Variants in CD46 observed in about 807,000 individuals in gnomAD.
The protein encoded by CD46 is membrane cofactor protein.
A neutral mutation model predicts 53.3 loss-of-function variants in CD46; 30 were observed. The observed-to-expected ratio is 0.56, with a 90% CI of 0.42 to 0.76. CD46 has a LOEUF of 0.76. Ranked by LOEUF, CD46 falls within the 30% of genes least tolerant of loss-of-function variation. CD46 has a pLI of 0.00. For synonymous variants in CD46, 142 were observed against 152.0 expected, an observed-to-expected ratio of 0.93 and a Z score of 0.48; for missense variants, 409 against 463.0, an observed-to-expected ratio of 0.88 and a Z score of 1.07.
chr1:207,769,825 C>CGG (rs1657274990), intron 7 of CD46: 5 of 157,334 alleles, frequency 3.2e-5, no homozygotes, highest in African/African-American at 1.2e-4. Context: ...TGCAGTGGCG[C>CGG]GGTCTTGGCT....
chr1:207,762,657 G>GGACAGC (rs1558051517), intron 5 of CD46: 21 of 152,510 alleles, frequency 1.4e-4, no homozygotes, highest in Non-Finnish European at 2.8e-4. Flanking sequence ...CCTTTTAGAA[G>GGACAGC]TTCCAGCTTT....
chr1:207,786,831 TC>T (rs1443830505), intron 11 of CD46, among the ~76,000 whole-genome samples: 2 of 152,204 alleles, frequency 1.3e-5, no homozygotes, highest in Non-Finnish European at 2.9e-5. Context: ...ATTTGATTTA[TC>T]TATCAGTTGT....
At chr1:207,777,413 G>T (rs1018969650) in intron 8 of CD46, among the ~76,000 whole-genome samples, 4 of 152,074 alleles carry the variant, frequency 2.6e-5, no homozygotes. Context: ...GGGATTTGTT[G>T]TACATAACTA....
intron 2 of CD46, among the ~76,000 whole-genome samples, 158 bp downstream of exon 2, chr1:207,757,360 A>G (rs1462011389): frequency 6.6e-6 from 1 of 152,354 alleles, no homozygotes; most frequent in Non-Finnish European, 1.5e-5. Context: ...AAAATCTCCA[A>G]GAAATCATTT....
At chr1:207,774,414 A>T (rs1657870452) in intron 8 of CD46, among the ~76,000 whole-genome samples, 1 of 152,084 alleles carries the variant, frequency 6.6e-6, no homozygotes, top group Non-Finnish European at 1.5e-5. Flanking sequence ...TTTGAATTTG[A>T]TCCTGTCATT....
intron 11 of CD46, among the ~76,000 whole-genome samples, chr1:207,787,232 G>T (rs897768965): frequency 1.3e-5 from 2 of 151,978 alleles, no homozygotes; most frequent in Non-Finnish European, 2.9e-5. Flanking sequence ...CACCACCACC[G>T]GCTAATTTGT....
chr1:207,780,083 A>G (rs1291164244), intron 8 of CD46, among the ~76,000 whole-genome samples: 1 of 151,884 alleles, frequency 6.6e-6, no homozygotes, highest in African/African-American at 2.4e-5. Context: ...GTACACTGAC[A>G]TTGTTATGTA....
intron 12 of CD46, among the ~76,000 whole-genome samples, chr1:207,793,250 G>A (rs1359750863): frequency 1.3e-5 from 2 of 152,134 alleles, no homozygotes; most frequent in South Asian, 2.1e-4. Flanking sequence ...ATCAAAATGA[G>A]GACATAGTTA....
intron 8 of CD46, among the ~76,000 whole-genome samples, chr1:207,776,281 G>A (rs184113318): frequency 2.8e-4 from 43 of 152,308 alleles, no homozygotes; most frequent in African/African-American, 9.6e-4. Flanking sequence ...AGTCTGTCAC[G>A]GCTTCCCTTG....
chr1:207,770,383 A>G, intron 8 of CD46, 21 bp downstream of exon 8: 2 of 1,498,268 alleles, frequency 1.3e-6, no homozygotes, highest in South Asian at 2.3e-5. Flanking sequence ...TCTTTATCCT[A>G]CTGATATTGT....
At chr1:207,767,477 A>G in intron 6 of CD46, 2 of 855,272 alleles carry the variant, frequency 2.3e-6, no homozygotes, top group Non-Finnish European at 4.0e-6. Context: ...AAAGTGAATT[A>G]CAACAACTTT....
At chr1:207,756,522 A>G (rs375000857) in intron 1 of CD46, among the ~76,000 whole-genome samples, 27 of 152,344 alleles carry the variant, frequency 1.8e-4, no homozygotes, top group African/African-American at 6.3e-4. Context: ...TGCACCCACA[A>G]GGTGAGTATA....
chr1:207,783,403 G>T lies in CD46; in HGVS notation c.982+73G>T, dbSNP rs1056203107. On this transcript the variant is annotated intron_variant, in intron 9 of 12. Transcript: ENST00000367042. ...CGTGTAGGTAATTAGTTTTTATGAG[G>T]TGCCCAAACATAGGATCCTTGGTAG... is the stretch of plus-strand genomic sequence containing the variant. 1.0e-5 allele frequency: 9 copies of T among 878,576 alleles called. No homozygotes were observed. In the African/African-American group the frequency reaches 1.1e-4, roughly 11 times the overall value. The allele number at this position is 878,576 out of a possible 1,614,324, so 54.4% of individuals were successfully genotyped here. A position where few individuals can be genotyped will look rare whatever the true frequency, so the allele number is the denominator to read the frequency against.
rs1458043612 is a variant in CD46 at position 207,794,667 on chromosome 1, G to A, written c.*1190G>A. The A allele has an allele frequency of 6.6e-6, 1 of 152,184 alleles. No individual in the cohort carries two copies. Among genetic ancestry groups the A allele is most frequent in the African/African-American group, 2.4e-5 (1 of 41,428 alleles). The allele number at this position is 152,184 out of a possible 1,614,324, so 9.4% of individuals were successfully genotyped here. A position where few individuals can be genotyped will look rare whatever the true frequency, so the allele number is the denominator to read the frequency against. The stretch of plus-strand genomic sequence containing the variant: ...TATCTCAGGAAGGTAACTTCATTTT[G>A]TCTATTTGCTGTTGATTGTACCAAG... On this transcript the variant is annotated 3_prime_UTR_variant, in exon 13 of 13. Transcript: ENST00000367042.
intron 11 of CD46, among the ~76,000 whole-genome samples, chr1:207,789,090 A>G (rs1659553888): frequency 6.6e-6 from 1 of 152,180 alleles, no homozygotes; most frequent in African/African-American, 2.4e-5. Context: ...GCATGGCATG[A>G]CTGTGCTTCT....
chr1:207,767,248 T>C, intron 6 of CD46, 53 bp downstream of exon 6: 2 of 1,454,176 alleles, frequency 1.4e-6, no homozygotes, highest in Non-Finnish European at 1.9e-6. Context: ...TTGCTGTTCA[T>C]TTTAGACTTT....
At chr1:207,768,483 G>A (rs1657103329) in intron 7 of CD46, 1 of 152,040 alleles carries the variant, frequency 6.6e-6, no homozygotes, top group Admixed American at 6.6e-5. Flanking sequence ...CTGTATTTCT[G>A]CCTCTTCCCT....
intron 11 of CD46, among the ~76,000 whole-genome samples, chr1:207,787,946 T>C (rs776219899): frequency 5.9e-5 from 9 of 152,156 alleles, no homozygotes; most frequent in Non-Finnish European, 1.2e-4. Flanking sequence ...TTCTGATTCA[T>C]TGGGTTTGGG....
intron 7 of CD46, 177 bp downstream of exon 7, chr1:207,768,000 T>C (rs1657057189): frequency 1.6e-5 from 10 of 617,896 alleles, no homozygotes; most frequent in Non-Finnish European, 2.8e-5. Context: ...TTTGCCATAA[T>C]CTGATATAAA....
Sources: allele counts gnomAD v4.1 joint callset (sites outside exome capture counted in the v4.1 genomes callset), GRCh38; gene constraint gnomAD v4.1.1; transcripts MANE v1.5; gene names NCBI Gene and HGNC (gene_info 2026-07-23, HGNC 2026-07-21).